Variants in MEIKIN observed in about 807,000 individuals in gnomAD.
MEIKIN encodes meiotic kinetochore factor.
At chr5:131,836,425 G>T (rs541728740) in intron 11 of MEIKIN, among the ~76,000 whole-genome samples, 1 of 152,276 alleles carries the variant, frequency 6.6e-6, no homozygotes, top group South Asian at 2.1e-4. Context: ...TAATGAAATT[G>T]CTGGGTCGAA....
chr5:131,925,662 GTTTTT>G (rs568998910), intron 5 of MEIKIN, among the ~76,000 whole-genome samples: 1 of 151,166 alleles, frequency 6.6e-6, no homozygotes, highest in Non-Finnish European at 1.5e-5. Context: ...AAGTTTTTGT[GTTTTT>G]TTTGTTTTTT....
In MEIKIN at chr5:131,842,201, G is replaced by A. The variant is rs142182013; in HGVS notation, c.975+9063C>T. Among the ~76,000 whole-genome samples, 441 of 152,186 alleles carry A rather than the reference G, an allele frequency of 2.9e-3. 3 individuals are homozygous for A. The highest frequency in any genetic ancestry group is 0.01 in the African/African-American group (418 of 41,522). The stretch of plus-strand genomic sequence containing the variant: ...AGGATGATCTCAATCTCTTGACCTC[G>A]TGATCTGCCTGCCTCGGTCTCCCAA... On this transcript the variant is annotated intron_variant, in intron 11 of 12. Coordinates refer to ENST00000442687, the MANE Select transcript of MEIKIN (RefSeq NM_001303622.2).
At chr5:131,864,854 T>C (rs563307251) in intron 9 of MEIKIN, among the ~76,000 whole-genome samples, 34 of 152,354 alleles carry the variant, frequency 2.2e-4, no homozygotes, top group African/African-American at 7.7e-4. Context: ...ATCAACACTT[T>C]GAATATCTGG....
chr5:131,903,265 G>A (rs1030794396), intron 8 of MEIKIN, among the ~76,000 whole-genome samples: 3 of 152,130 alleles, frequency 2.0e-5, no homozygotes, highest in African/African-American at 7.2e-5. Context: ...AAGCTCACTA[G>A]AGAGGCCAAC....
chr5:131,811,009 A>G, intron 12 of MEIKIN, among the ~76,000 whole-genome samples: 1 of 152,152 alleles, frequency 6.6e-6, no homozygotes, highest in Non-Finnish European at 1.5e-5. Flanking sequence ...GTGCTTTGCT[A>G]TTTTTACTAA....
At chr5:131,876,071 G>A (rs1750607327) in intron 9 of MEIKIN, among the ~76,000 whole-genome samples, 1 of 152,200 alleles carries the variant, frequency 6.6e-6, no homozygotes, top group Non-Finnish European at 1.5e-5. Context: ...ATACCATTCA[G>A]GATGTAGGCA....
chr5:131,909,313 G>A (rs1751296599), intron 8 of MEIKIN, among the ~76,000 whole-genome samples: 2 of 152,226 alleles, frequency 1.3e-5, no homozygotes, highest in South Asian at 4.1e-4. Flanking sequence ...GACATTCTTT[G>A]GGGAAGGGCC....
chr5:131,813,923 A>C (rs1773051659), intron 12 of MEIKIN, among the ~76,000 whole-genome samples: 1 of 152,184 alleles, frequency 6.6e-6, no homozygotes, highest in Non-Finnish European at 1.5e-5. Context: ...GCTCAGGAGC[A>C]AGGAAGCCAG....
intron 8 of MEIKIN, among the ~76,000 whole-genome samples, chr5:131,895,822 C>G (rs1751037975): frequency 6.6e-6 from 1 of 152,030 alleles, no homozygotes; most frequent in African/African-American, 2.4e-5. Flanking sequence ...TTTTGTTGAT[C>G]TTTTCAAAAA....
intron 12 of MEIKIN, among the ~76,000 whole-genome samples, chr5:131,814,843 T>C (rs971020994): frequency 6.6e-6 from 1 of 152,110 alleles, no homozygotes; most frequent in African/African-American, 2.4e-5. Context: ...AGGTCATACA[T>C]AGGCTCAGCA....
At chr5:131,900,910 G>T (rs1002916436) in intron 8 of MEIKIN, among the ~76,000 whole-genome samples, 2 of 152,180 alleles carry the variant, frequency 1.3e-5, no homozygotes, top group African/African-American at 4.8e-5. Flanking sequence ...CCCTTGTGCG[G>T]CTTTGCCTGC....
chr5:131,936,719 T>C (rs1054106007), intron 4 of MEIKIN, among the ~76,000 whole-genome samples: 16 of 152,162 alleles, frequency 1.1e-4, no homozygotes, highest in Middle Eastern at 3.4e-3. Context: ...CTCAGCCTCC[T>C]GAGTAGCTGG....
intron 11 of MEIKIN, among the ~76,000 whole-genome samples, chr5:131,831,416 T>A (rs1021327059): frequency 5.3e-5 from 8 of 152,156 alleles, no homozygotes; most frequent in African/African-American, 1.4e-4. Flanking sequence ...AATTAGCCAG[T>A]TGTGGTGCCA....
At chr5:131,932,438 G>T (rs930482342) in intron 5 of MEIKIN, among the ~76,000 whole-genome samples, 1 of 152,190 alleles carries the variant, frequency 6.6e-6, no homozygotes, top group Non-Finnish European at 1.5e-5. Flanking sequence ...GGGGTTCCAC[G>T]AGAGAGGCAG....
At chr5:131,822,173 TTA>T (rs1280039293) in intron 11 of MEIKIN, among the ~76,000 whole-genome samples, 2 of 152,224 alleles carry the variant, frequency 1.3e-5, no homozygotes, top group African/African-American at 4.8e-5. Flanking sequence ...GTGTGTATCT[TTA>T]TAGCTGAAGT....
At chr5:131,835,672 C>A (rs572298202) in intron 11 of MEIKIN, among the ~76,000 whole-genome samples, 1 of 152,290 alleles carries the variant, frequency 6.6e-6, no homozygotes, top group Admixed American at 6.5e-5. Flanking sequence ...TGGCTCACTG[C>A]AAGTTCCATC....
At chr5:131,844,053 A>G (rs923210325) in intron 11 of MEIKIN, among the ~76,000 whole-genome samples, 33 of 152,142 alleles carry the variant, frequency 2.2e-4, no homozygotes, top group Admixed American at 6.5e-5. Flanking sequence ...GGAAGCAAGC[A>G]TATCTTCATG....
chr5:131,827,842 A>G (rs1360106441), intron 11 of MEIKIN, among the ~76,000 whole-genome samples: 1 of 152,182 alleles, frequency 6.6e-6, no homozygotes, highest in East Asian at 1.9e-4. Flanking sequence ...CGCAACATAT[A>G]ATAAAAATTG....
intron 9 of MEIKIN, among the ~76,000 whole-genome samples, chr5:131,856,219 G>A (rs1248492023): frequency 1.3e-5 from 2 of 152,098 alleles, no homozygotes; most frequent in African/African-American, 4.8e-5. Context: ...TACCTCTAGG[G>A]ACTGTGATGC....
Sources: allele counts gnomAD v4.1 joint callset (sites outside exome capture counted in the v4.1 genomes callset), GRCh38; gene constraint gnomAD v4.1.1; transcripts MANE v1.5; gene names NCBI Gene and HGNC (gene_info 2026-07-23, HGNC 2026-07-21).